Variants in MAP7 observed in about 807,000 individuals in gnomAD.
The protein encoded by MAP7 is microtubule associated protein 7.
In MAP7, 52 loss-of-function variants were observed where a neutral mutation model predicts 94.8. The observed-to-expected ratio is 0.55, with a 90% CI of 0.44 to 0.69. The LOEUF (loss-of-function observed/expected upper bound fraction) is 0.69, where lower values mean the gene tolerates loss of function less well. MAP7 is among the 30% of genes least tolerant of loss of function. The pLI, the probability that MAP7 is intolerant of heterozygous loss-of-function variation, is 0.00. For missense variants in MAP7, 940 were observed against 964.6 expected (o/e 0.97, Z 0.34); for synonymous variants, 350 against 357.0 (o/e 0.98, Z 0.22).
chr6:136,449,433 C>T (rs986992929), intron 1 of MAP7, among the ~76,000 whole-genome samples: 3 of 152,172 alleles, frequency 2.0e-5, no homozygotes, highest in African/African-American at 2.4e-5. Context: ...AGAGTGACTC[C>T]GTGCTGCCAT....
At chr6:136,399,338 A>G (rs1192531222) in intron 3 of MAP7, among the ~76,000 whole-genome samples, 1 of 151,912 alleles carries the variant, frequency 6.6e-6, no homozygotes, top group Non-Finnish European at 1.5e-5. Flanking sequence ...TTACAATTAG[A>G]TTCCTTTTCT....
intron 1 of MAP7, among the ~76,000 whole-genome samples, chr6:136,493,694 A>G (rs1014810983): frequency 2.0e-5 from 3 of 152,244 alleles, no homozygotes; most frequent in African/African-American, 7.2e-5. Flanking sequence ...AGTAATTCCT[A>G]TGAAACATGT....
intron 1 of MAP7, among the ~76,000 whole-genome samples, chr6:136,444,071 CT>C (rs1436662280): frequency 1.3e-5 from 2 of 152,292 alleles, no homozygotes; most frequent in Middle Eastern, 3.4e-3. Context: ...AATTTCCTCA[CT>C]TTTTAAGTCC....
intron 1 of MAP7, among the ~76,000 whole-genome samples, chr6:136,473,136 G>A (rs1267405335): frequency 6.6e-6 from 1 of 152,138 alleles, no homozygotes; most frequent in Non-Finnish European, 1.5e-5. Context: ...CACATCAAGA[G>A]CCAAGGCACA....
intron 1 of MAP7, among the ~76,000 whole-genome samples, chr6:136,474,685 T>C (rs565952996): frequency 7.6e-4 from 116 of 152,184 alleles, no homozygotes; most frequent in South Asian, 1.7e-3. Context: ...GTTTATTCTA[T>C]AAATATTGTC....
intron 1 of MAP7, among the ~76,000 whole-genome samples, chr6:136,505,727 A>G (rs1173613979): frequency 2.0e-5 from 3 of 152,220 alleles, no homozygotes; most frequent in African/African-American, 7.2e-5. Flanking sequence ...CCCGTGACAC[A>G]AGTTTACCTC....
chr6:136,526,234 C>A, intron 1 of MAP7: 1 of 1,187,432 alleles, frequency 8.4e-7, no homozygotes, highest in Non-Finnish European at 1.0e-6. Flanking sequence ...CAGGCACATG[C>A]GCTGGTGATT....
chr6:136,427,922 T>G (rs1191422527), intron 1 of MAP7, among the ~76,000 whole-genome samples: 1 of 152,174 alleles, frequency 6.6e-6, no homozygotes, highest in Non-Finnish European at 1.5e-5. Flanking sequence ...TTAAGATGTA[T>G]GACCATGATA....
intron 1 of MAP7, among the ~76,000 whole-genome samples, chr6:136,455,830 A>G (rs148978415): frequency 2.6e-5 from 4 of 152,242 alleles, no homozygotes; most frequent in African/African-American, 9.6e-5. Flanking sequence ...CAAGGCACAA[A>G]TTTTCTTTTT....
intron 3 of MAP7, among the ~76,000 whole-genome samples, chr6:136,394,741 C>T (rs1237459074): frequency 1.3e-5 from 2 of 151,000 alleles, no homozygotes; most frequent in East Asian, 1.9e-4. Context: ...CTGTTCCCAG[C>T]CCCTGGCAAG....
rs746534400 is a variant in MAP7 at position 136,356,795 on chromosome 6, C to CT, written c.1913-2dup. 3.1e-6 allele frequency: 5 copies of CT among 1,612,666 alleles called. No homozygotes were observed. Among genetic ancestry groups the CT allele is most frequent in the Non-Finnish European group, 4.2e-6 (5 of 1,178,812 alleles). Reference sequence around the variant, plus strand: ...GTTGTACATGGAAGTGCAGACACCTCTGGGCATAGTAAAGGAGACAGAACA... The same window carrying CT: ...GTTGTACATGGAAGTGCAGACACCTCTTGGGCATAGTAAAGGAGACAGAACA... On this transcript the variant is annotated splice_acceptor_variant, in intron 15 of 17. Coordinates refer to ENST00000354570, the MANE Select transcript of MAP7 (RefSeq NM_003980.6). LOFTEE classifies it high-confidence loss of function.
rs570520174 is a variant in MAP7 at position 136,419,982 on chromosome 6, T to C, written c.166+1719A>G. 1.0e-4 allele frequency: 73 copies of C among 725,516 alleles called. 1 individual carries two copies. The East Asian group carries it at 2.0e-3, about 19-fold the overall frequency. 44.9% of individuals were successfully genotyped at this position (725,516 alleles called of 1,614,324 possible). A position where few individuals can be genotyped will look rare whatever the true frequency, so the allele number is the denominator to read the frequency against. ...TTTCTGAGTGTCTGGTTACAATAACTGCAAAGGACTGTTGTGACTCAAGGA... is the reference window on the plus strand; with the variant it reads ...TTTCTGAGTGTCTGGTTACAATAACCGCAAAGGACTGTTGTGACTCAAGGA... On this transcript the variant is annotated intron_variant, in intron 2 of 17. Transcript: ENST00000354570.
At chr6:136,407,167 C>A (rs976273328) in intron 3 of MAP7, among the ~76,000 whole-genome samples, 1 of 152,114 alleles carries the variant, frequency 6.6e-6, no homozygotes, top group East Asian at 1.9e-4. Context: ...GTAGAGTAAG[C>A]AAAATCAGCA....
At chr6:136,414,074 C>T (rs1366337389) in intron 2 of MAP7, among the ~76,000 whole-genome samples, 7 of 151,178 alleles carry the variant, frequency 4.6e-5, no homozygotes, top group Admixed American at 4.6e-4. Context: ...AAGGTGAAAC[C>T]CCGTCTCTAC....
intron 16 of MAP7, among the ~76,000 whole-genome samples, chr6:136,351,020 T>C (rs559333862): frequency 6.6e-6 from 1 of 152,194 alleles, no homozygotes; most frequent in African/African-American, 2.4e-5. Flanking sequence ...ATGTTTATTC[T>C]TGGAAATGCA....
intron 3 of MAP7, among the ~76,000 whole-genome samples, chr6:136,400,212 C>G (rs1036319366): frequency 1.3e-5 from 2 of 151,826 alleles, no homozygotes; most frequent in Non-Finnish European, 1.5e-5. Context: ...GTCAGGAGAT[C>G]GAGACCATCC....
chr6:136,404,914 T>G lies in MAP7; in HGVS notation c.244+6706A>C, dbSNP rs531449505. ...TTTTATAATATATGAAGAGGAAAAT[T>G]TAAGGCATATCCTAATAGATTATCC... On this transcript the variant is annotated intron_variant, in intron 3 of 17. Coordinates refer to ENST00000354570, the MANE Select transcript of MAP7 (RefSeq NM_003980.6). 2.6e-5 allele frequency among the ~76,000 whole-genome samples: 4 copies of G among 152,288 alleles called. No individual in the cohort carries two copies. The South Asian group carries it at 8.3e-4, about 32-fold the overall frequency.
At chr6:136,372,415 C>T in intron 8 of MAP7, 86 bp downstream of exon 8, 1 of 1,506,440 alleles carries the variant, frequency 6.6e-7, no homozygotes, top group Non-Finnish European at 9.0e-7. Context: ...CTCTTACGCC[C>T]ACACCACAGC....
intron 3 of MAP7, among the ~76,000 whole-genome samples, chr6:136,392,998 GTAAGA>G (rs1781214917): frequency 6.6e-6 from 1 of 152,120 alleles, no homozygotes; most frequent in South Asian, 2.1e-4. Context: ...TTGAAAGCTG[GTAAGA>G]TAAATTTGTA....
Sources: gnomAD v4.1 joint callset for allele counts (sites outside exome capture counted in the v4.1 genomes callset) on GRCh38, gnomAD v4.1.1 for gene constraint, MANE v1.5 for transcripts, NCBI Gene and HGNC (gene_info 2026-07-23, HGNC 2026-07-21) for gene names.